Variants in CDH20 observed in about 807,000 individuals in gnomAD.
CDH20 encodes cadherin-20.
A neutral mutation model predicts 74.2 loss-of-function variants in CDH20; 29 were observed. That is an observed-to-expected ratio of 0.39 (90% CI 0.29 to 0.53). The LOEUF (loss-of-function observed/expected upper bound fraction) is 0.53. CDH20 is among the 20% of genes least tolerant of loss of function. CDH20 has a pLI of 0.69. For synonymous variants in CDH20, 469 were observed against 405.4 expected, an observed-to-expected ratio of 1.16 and a Z score of -1.88; for missense variants, 988 against 1,048.3, an observed-to-expected ratio of 0.94 and a Z score of 0.79.
chr18:61,520,927 T>G (rs1485665553), intron 6 of CDH20, among the ~76,000 whole-genome samples: 2 of 151,098 alleles, frequency 1.3e-5, no homozygotes, highest in Non-Finnish European at 2.9e-5. Context: ...TAAAGCAGTG[T>G]TTACAGGGAA....
At position 61,406,208 on chromosome 18, in the gene CDH20, A is replaced by G. The variant is rs559248812; in HGVS notation, c.-153+72381A>G. 5.9e-5 allele frequency among the ~76,000 whole-genome samples: 9 copies of G among 152,310 alleles called. No homozygotes were observed. The East Asian group carries it at 1.7e-3, about 29-fold the overall frequency. ...GTTCAAGTATGAAGGTGAATTTTTCATGTATTATTTCCTCAATATAATTAT... is the reference window on the plus strand; with the variant it reads ...GTTCAAGTATGAAGGTGAATTTTTCGTGTATTATTTCCTCAATATAATTAT... On this transcript the variant is annotated intron_variant, in intron 1 of 11. Transcript: ENST00000262717.
At chr18:61,418,891 T>G (rs910128552) in intron 1 of CDH20, among the ~76,000 whole-genome samples, 4 of 152,200 alleles carry the variant, frequency 2.6e-5, no homozygotes, top group Non-Finnish European at 5.9e-5. Context: ...TATTTTGTTT[T>G]ATGGATTTTT....
At chr18:61,431,031 T>C (rs772467475) in intron 1 of CDH20, among the ~76,000 whole-genome samples, 1 of 152,208 alleles carries the variant, frequency 6.6e-6, no homozygotes, top group East Asian at 1.9e-4. Flanking sequence ...TGTGAACTTG[T>C]AGACCTATGT....
At chr18:61,356,641 T>C (rs1272391149) in intron 1 of CDH20, among the ~76,000 whole-genome samples, 1 of 152,208 alleles carries the variant, frequency 6.6e-6, no homozygotes, top group African/African-American at 2.4e-5. Context: ...CTCAATTTGG[T>C]CAGTTTTCTA....
At chr18:61,405,778 G>T (rs1912310627) in intron 1 of CDH20, among the ~76,000 whole-genome samples, 1 of 152,174 alleles carries the variant, frequency 6.6e-6, no homozygotes, top group South Asian at 2.1e-4. Context: ...AAACTTCTAG[G>T]ATGAGGCCCA....
At chr18:61,395,663 A>G (rs1382625512) in intron 1 of CDH20, among the ~76,000 whole-genome samples, 1 of 152,214 alleles carries the variant, frequency 6.6e-6, no homozygotes, top group Non-Finnish European at 1.5e-5. Context: ...GTTTTGTCAT[A>G]TGTGCTTTGT....
intron 1 of CDH20, among the ~76,000 whole-genome samples, chr18:61,408,090 A>G (rs1363398911): frequency 6.6e-6 from 1 of 152,128 alleles, no homozygotes; most frequent in Non-Finnish European, 1.5e-5. Flanking sequence ...ATTTCAAAAT[A>G]AAAAATTTAA....
intron 8 of CDH20, 125 bp from the exon 9 acceptor site, chr18:61,538,899 T>C (rs1302948016): frequency 5.8e-6 from 6 of 1,029,590 alleles, no homozygotes; most frequent in Non-Finnish European, 8.7e-6. Context: ...CCCAAAGTGC[T>C]GGGATTACAG....
chr18:61,480,876 G>A (rs1478086051), intron 1 of CDH20, among the ~76,000 whole-genome samples: 2 of 152,214 alleles, frequency 1.3e-5, no homozygotes, highest in Non-Finnish European at 2.9e-5. Flanking sequence ...AAAAGCATTT[G>A]TGAAAACTCA....
intron 2 of CDH20, among the ~76,000 whole-genome samples, chr18:61,498,168 G>C (rs11663329): frequency 0.23 from 35,349 of 152,018 alleles, 4,386 homozygotes; most frequent in South Asian, 0.44. Context: ...GGGAGGCCGA[G>C]GCAGGTAGAT....
chr18:61,545,228 C>A, intron 10 of CDH20, 84 bp downstream of exon 10: 1 of 834,872 alleles, frequency 1.2e-6, no homozygotes, highest in Non-Finnish European at 2.1e-6. Flanking sequence ...CAAACAGTGT[C>A]AAAGGCTACC....
At chr18:61,383,974 T>C (rs1274446834) in intron 1 of CDH20, among the ~76,000 whole-genome samples, 4 of 152,098 alleles carry the variant, frequency 2.6e-5, no homozygotes, top group Non-Finnish European at 5.9e-5. Flanking sequence ...AGAAGAAGCC[T>C]CCCCTACCAT....
At chr18:61,395,028 A>G (rs1463403853) in intron 1 of CDH20, among the ~76,000 whole-genome samples, 1 of 151,484 alleles carries the variant, frequency 6.6e-6, no homozygotes, top group East Asian at 2.0e-4. Context: ...GGTCATTCAC[A>G]CTCCTCATGC....
At chr18:61,491,119 G>A (rs1200651337) in intron 2 of CDH20, among the ~76,000 whole-genome samples, 2 of 152,212 alleles carry the variant, frequency 1.3e-5, no homozygotes, top group African/African-American at 4.8e-5. Flanking sequence ...CAGAATGGGT[G>A]AGAGGGAAAC....
intron 1 of CDH20, among the ~76,000 whole-genome samples, chr18:61,446,857 A>T (rs1001678250): frequency 1.3e-5 from 2 of 152,330 alleles, no homozygotes; most frequent in African/African-American, 4.8e-5. Context: ...TAAAGACAGA[A>T]CTAGGTGTAA....
intron 5 of CDH20, among the ~76,000 whole-genome samples, chr18:61,503,762 C>A (rs552352100): frequency 6.6e-6 from 1 of 152,136 alleles, no homozygotes; most frequent in Admixed American, 6.5e-5. Flanking sequence ...GCATTTGCTG[C>A]CACTTGAACA....
At chr18:61,517,449 G>A (rs1657161964) in intron 6 of CDH20, among the ~76,000 whole-genome samples, 1 of 152,186 alleles carries the variant, frequency 6.6e-6, no homozygotes, top group African/African-American at 2.4e-5. Context: ...AGCTGAAGCA[G>A]GGTGGGGCGT....
At chr18:61,404,978 G>T (rs931349192) in intron 1 of CDH20, 31 of 709,548 alleles carry the variant, frequency 4.4e-5, no homozygotes, top group Non-Finnish European at 6.3e-5. Flanking sequence ...CAATATTATT[G>T]CCACTGTAGT....
chr18:61,334,851 T>A (rs1568098670), intron 1 of CDH20, among the ~76,000 whole-genome samples: 1 of 149,178 alleles, frequency 6.7e-6, no homozygotes, highest in Non-Finnish European at 1.5e-5. Flanking sequence ...AATGCTCTTG[T>A]TATTGGCACG....
Sources: gnomAD v4.1 joint callset for allele counts (sites outside exome capture counted in the v4.1 genomes callset) on GRCh38, gnomAD v4.1.1 for gene constraint, MANE v1.5 for transcripts, NCBI Gene and HGNC (gene_info 2026-07-23, HGNC 2026-07-21) for gene names.